ZNF253: variants seen among roughly 807,000 people sequenced by gnomAD.
ZNF253 encodes DNA-binding protein.
ZNF253 carries 8 observed loss-of-function variants against 11.9 expected under a neutral mutation model. The observed-to-expected ratio is 0.67, with a 90% CI of 0.40 to 1.22. The LOEUF (loss-of-function observed/expected upper bound fraction) is 1.22. ZNF253 is among the 50% of genes most tolerant of loss of function. The probability of loss-of-function intolerance (pLI) is 0.01; values close to 1 mark genes in which losing one functional copy is unlikely to be tolerated. For missense variants in ZNF253, 485 were observed against 586.9 expected, an observed-to-expected ratio of 0.83 and a Z score of 1.79; for synonymous variants, 194 against 194.9, an observed-to-expected ratio of 1.00 and a Z score of 0.04.
intron 2 of ZNF253, among the ~76,000 whole-genome samples, chr19:19,879,757 CTG>C (rs767290307): frequency 6.6e-6 from 1 of 152,174 alleles, no homozygotes; most frequent in Non-Finnish European, 1.5e-5. Flanking sequence ...AATCTGAAAA[CTG>C]TATTCACTCT....
At chr19:19,885,333 TCTTTCTTTCTTTCTTTCTTTCTTC>T (rs2063200550) in intron 3 of ZNF253, among the ~76,000 whole-genome samples, 6 of 100,082 alleles carry the variant, frequency 6.0e-5, no homozygotes, top group African/African-American at 3.3e-4. Flanking sequence ...TTTCTTTCTT[TCTTTCTTTCTTTCTTTCTTTCTTC>T]CTTTCTTTTC....
intron 3 of ZNF253, among the ~76,000 whole-genome samples, chr19:19,882,989 A>T (rs1041532211): frequency 6.6e-6 from 1 of 151,776 alleles, no homozygotes; most frequent in Admixed American, 6.6e-5. Flanking sequence ...AAAAAAAGAT[A>T]AATTATGCAT....
chr19:19,875,436 G>A (rs937301920), intron 1 of ZNF253, among the ~76,000 whole-genome samples: 7 of 150,394 alleles, frequency 4.7e-5, no homozygotes, highest in South Asian at 4.2e-4. Context: ...TCTCTCTGTC[G>A]CCCAGGCTGG....
At chr19:19,889,829 A>G (rs2063221323) in intron 3 of ZNF253, among the ~76,000 whole-genome samples, 1 of 152,030 alleles carries the variant, frequency 6.6e-6, no homozygotes, top group African/African-American at 2.4e-5. Flanking sequence ...TAGTAGTTAC[A>G]GGGTTTCACC....
chr19:19,878,871 G>A (rs960844062), intron 2 of ZNF253, among the ~76,000 whole-genome samples: 12 of 152,008 alleles, frequency 7.9e-5, no homozygotes, highest in Admixed American at 1.3e-4. Context: ...AAGGATAAAC[G>A]CTAGAGGTGA....
Position 19,891,581 on chromosome 19 carries a change from T to A in ZNF253, c.334T>A (p.Leu112Ile). 6.2e-7 allele frequency: 1 copy of A among 1,613,980 alleles called. No homozygotes were observed. The highest frequency in any genetic ancestry group is 8.5e-7 in the Non-Finnish European group (1 of 1,179,932). ...YEECRHDNLQ[L>I]KKGCKSVGEH... The stretch of plus-strand genomic sequence containing the variant: ...AGAATGCAGACATGACAATTTACAG[T>A]TAAAAAAAGGCTGTAAAAGCGTGGG... Residue 112 changes from leucine to isoleucine, a missense_variant, in exon 4 of 4, where the codon TTA becomes ATA. By Grantham distance (5) the Leu-to-Ile change is conservative. Coordinates refer to ENST00000589717, the MANE Select transcript of ZNF253 (RefSeq NM_021047.3).
chr19:19,866,035 A>G lies in ZNF253; in HGVS notation c.3+36A>G, dbSNP rs1403495168. On this transcript the variant is annotated intron_variant, in intron 1 of 3. Transcript: ENST00000589717. ...GGTCCAACGTCCCGAGAGAGGGGAGAGGCTGTTTGGAACGGTGGGAAGTGG... is the reference window on the plus strand; with the variant it reads ...GGTCCAACGTCCCGAGAGAGGGGAGGGGCTGTTTGGAACGGTGGGAAGTGG... 6 of 1,613,860 alleles carry G rather than the reference A, an allele frequency of 3.7e-6. No homozygotes were observed. The Admixed American group carries it at 1.0e-4, about 27-fold the overall frequency.
chr19:19,879,090 CATG>C (rs1423167270), intron 2 of ZNF253, among the ~76,000 whole-genome samples: 5 of 152,268 alleles, frequency 3.3e-5, no homozygotes, highest in African/African-American at 1.2e-4. Flanking sequence ...GATTACTAGA[CATG>C]ATATTCCACT....
intron 3 of ZNF253, among the ~76,000 whole-genome samples, chr19:19,885,521 G>A (rs547566338): frequency 1.3e-5 from 2 of 151,804 alleles, no homozygotes; most frequent in South Asian, 4.1e-4. Flanking sequence ...CTCCCAAGTA[G>A]CTGGGACTAT....
intron 1 of ZNF253, among the ~76,000 whole-genome samples, chr19:19,875,379 A>G (rs1466585790): frequency 1.0e-4 from 15 of 143,506 alleles, no homozygotes; most frequent in Admixed American, 1.0e-3. Flanking sequence ...TTTTCTCTAA[A>G]CTACATTAAA....
chr19:19,880,580 C>G (rs570952834), intron 3 of ZNF253, among the ~76,000 whole-genome samples: 2 of 151,982 alleles, frequency 1.3e-5, no homozygotes, highest in African/African-American at 4.8e-5. Flanking sequence ...TGGTGGGCAC[C>G]TGTAATCCCA....
At position 19,885,349 on chromosome 19, in the gene ZNF253, TCTTTCTTC is replaced by T. The variant is rs1568499290; in HGVS notation, c.226+5211_226+5218del. Among the ~76,000 whole-genome samples the T allele has an allele frequency of 1.9e-3, 129 of 66,824 alleles. 22 individuals carry two copies. The African/African-American group carries it at 0.022, about 12-fold the overall frequency. The allele number at this position is 66,824 out of a possible 152,430, so 43.8% of individuals were successfully genotyped here. On this transcript the variant is annotated intron_variant, in intron 3 of 3. Coordinates refer to ENST00000589717, the MANE Select transcript of ZNF253 (RefSeq NM_021047.3). ...TTCTTTCTTTCTTTCTTTCTTTCTT[TCTTTCTTC>T]CTTTCTTTTCTTTCTTTTCTTTCTT...
At chr19:19,886,645 C>A (rs2063207464) in intron 3 of ZNF253, among the ~76,000 whole-genome samples, 1 of 152,168 alleles carries the variant, frequency 6.6e-6, no homozygotes, top group Non-Finnish European at 1.5e-5. Flanking sequence ...CTGTCTCTTA[C>A]CATATAACAT....
At chr19:19,870,887 G>C (rs2063131287) in intron 1 of ZNF253, 1 of 152,190 alleles carries the variant, frequency 6.6e-6, no homozygotes, top group Non-Finnish European at 1.5e-5. Flanking sequence ...GAGAGCAGCT[G>C]TGTACTTTGG....
In ZNF253 at chr19:19,877,962, T is replaced by G. The variant is rs2063162288; in HGVS notation, c.4-519T>G. On this transcript the variant is annotated intron_variant, in intron 1 of 3. Coordinates refer to ENST00000589717, the MANE Select transcript of ZNF253 (RefSeq NM_021047.3). Reference sequence around the variant, plus strand: ...AAAAACTGGGAAAAACACAGGCTCTTCCATTTACTCAATGTTTGACAAAAT... The same window carrying G: ...AAAAACTGGGAAAAACACAGGCTCTGCCATTTACTCAATGTTTGACAAAAT... Among the ~76,000 whole-genome samples, 4 of 152,236 alleles carry G rather than the reference T, an allele frequency of 2.6e-5. No individual in the cohort carries two copies. In the South Asian group the frequency reaches 8.3e-4, roughly 32 times the overall value.
intron 1 of ZNF253, 53 bp downstream of exon 1, chr19:19,866,052 G>A: frequency 1.9e-6 from 3 of 1,613,142 alleles, no homozygotes; most frequent in Non-Finnish European, 2.5e-6. Flanking sequence ...TTGGAACGGT[G>A]GGAAGTGGCT....
intron 3 of ZNF253, among the ~76,000 whole-genome samples, chr19:19,889,212 T>A (rs1034565218): frequency 1.3e-5 from 2 of 149,036 alleles, no homozygotes; most frequent in Middle Eastern, 3.6e-3. Flanking sequence ...ATTTTTATAT[T>A]TTTTATATCC....
At chr19:19,891,442 T>C in intron 3 of ZNF253, 32 bp from the exon 4 acceptor site, 1 of 1,511,776 alleles carries the variant, frequency 6.6e-7, no homozygotes, top group Non-Finnish European at 8.9e-7. Context: ...AGTCTAGCAA[T>C]TGAAGTAATG....
At chr19:19,889,612 C>G (rs1304808942) in intron 3 of ZNF253, among the ~76,000 whole-genome samples, 1 of 151,844 alleles carries the variant, frequency 6.6e-6, no homozygotes, top group Non-Finnish European at 1.5e-5. Context: ...TCCCAAAGTG[C>G]TGGGATTACA....
Sources: allele counts gnomAD v4.1 joint callset (sites outside exome capture counted in the v4.1 genomes callset), GRCh38; gene constraint gnomAD v4.1.1; transcripts MANE v1.5; gene names NCBI Gene and HGNC (gene_info 2026-07-23, HGNC 2026-07-21).